Variants in DIP2C observed in about 807,000 individuals in gnomAD.
The protein encoded by DIP2C is disco-interacting protein 2 homolog C.
A neutral mutation model predicts 192.4 loss-of-function variants in DIP2C; 33 were observed. That is an observed-to-expected ratio of 0.17 (90% CI 0.13 to 0.23). DIP2C has a LOEUF of 0.23. Among genes scored for constraint, DIP2C ranks in the 10% least tolerant of loss-of-function variants. DIP2C has a pLI of 1.00. For missense variants in DIP2C, 1,537 were observed against 2,110.1 expected (o/e 0.73, Z 5.32); for synonymous variants, 979 against 864.1 (o/e 1.13, Z -2.33).
chr10:443,792 G>T (rs1324880223), intron 3 of DIP2C, among the ~76,000 whole-genome samples: 1 of 152,152 alleles, frequency 6.6e-6, no homozygotes, highest in Non-Finnish European at 1.5e-5. Flanking sequence ...TGGAGATACA[G>T]AAATGCTTTC....
chr10:537,882 C>CA (rs1847780620), intron 1 of DIP2C, among the ~76,000 whole-genome samples: 1 of 151,570 alleles, frequency 6.6e-6, no homozygotes, highest in African/African-American at 2.4e-5. Flanking sequence ...CTCCACCTCC[C>CA]AAGTTCAGGC....
rs1179062463 is a variant in DIP2C, at chr10:636,115, C to G, written c.85+53379G>C. 6.6e-6 allele frequency among the ~76,000 whole-genome samples: 1 copy of G among 152,160 alleles called. No individual in the cohort carries two copies. Reference sequence around the variant, plus strand: ...TTCCAGCATCAACCTGTGCTCATAGCTACATACAAAATAACTTTATCACAA... The same window carrying G: ...TTCCAGCATCAACCTGTGCTCATAGGTACATACAAAATAACTTTATCACAA... On this transcript the variant is annotated intron_variant, in intron 1 of 36. Transcript: ENST00000280886. This position sits in a 1 kb window ranked among gnomAD's most constrained non-coding sequence, Gnocchi z 4.6.
At chr10:517,103 G>A (rs1262129908) in intron 1 of DIP2C, among the ~76,000 whole-genome samples, 5 of 151,866 alleles carry the variant, frequency 3.3e-5, no homozygotes, top group Non-Finnish European at 7.4e-5. Flanking sequence ...ATGGAAACAC[G>A]GACTTGGCCC....
At chr10:552,138 C>T (rs1222511968) in intron 1 of DIP2C, among the ~76,000 whole-genome samples, 1 of 152,238 alleles carries the variant, frequency 6.6e-6, no homozygotes, top group Non-Finnish European at 1.5e-5. Flanking sequence ...CTGACGGAGG[C>T]TGTCGATGGC....
intron 1 of DIP2C, among the ~76,000 whole-genome samples, chr10:576,349 T>A (rs964432058): frequency 1.3e-5 from 2 of 152,196 alleles, no homozygotes; most frequent in African/African-American, 4.8e-5. Context: ...ATACGTGTGT[T>A]GAAAGGCAAT....
rs1564307266 is a variant in DIP2C, at chr10:651,448, TA to T, written c.85+38045del. ...AGTATGTTAAGTCGTTAAGTAAAAA[TA>T]GCAGAAGACTTAGTAGAATGTATGA... is the stretch of plus-strand genomic sequence containing the variant. On this transcript the variant is annotated intron_variant, in intron 1 of 36. Transcript: ENST00000280886. The surrounding 1 kb of genome is among the most constrained non-coding windows in gnomAD (Gnocchi z 4.1). 1 of 676,796 alleles carries T rather than the reference TA, an allele frequency of 1.5e-6. No individual in the cohort carries two copies. Among genetic ancestry groups the T allele is most frequent in the African/African-American group, 1.8e-5 (1 of 56,714 alleles). The allele number at this position is 676,796 out of a possible 1,614,324, so 41.9% of individuals were successfully genotyped here. A position where few individuals can be genotyped will look rare whatever the true frequency, so the allele number is the denominator to read the frequency against.
intron 1 of DIP2C, among the ~76,000 whole-genome samples, chr10:508,143 G>C (rs752578414): frequency 6.6e-6 from 1 of 152,122 alleles, no homozygotes; most frequent in Non-Finnish European, 1.5e-5. Context: ...AGAGGAGCTC[G>C]TGCAGCCAGG....
intron 7 of DIP2C, 137 bp downstream of exon 7, chr10:415,632 C>T: frequency 8.2e-7 from 1 of 1,215,048 alleles, no homozygotes; most frequent in Non-Finnish European, 1.2e-6. Context: ...CACCCGCTCC[C>T]TACCTGGGTT....
chr10:482,885 G>A (rs1588258149), intron 2 of DIP2C, among the ~76,000 whole-genome samples: 1 of 152,226 alleles, frequency 6.6e-6, no homozygotes, highest in Admixed American at 6.5e-5. Flanking sequence ...GCAGAAGGGT[G>A]AGAGCGAAGT....
At chr10:367,338 A>ACC (rs1386867372) in intron 18 of DIP2C, among the ~76,000 whole-genome samples, 89 of 150,662 alleles carry the variant, frequency 5.9e-4, no homozygotes, top group African/African-American at 2.2e-3. Flanking sequence ...AATGGCGTGA[A>ACC]CCCGGGAGGC....
intron 1 of DIP2C, among the ~76,000 whole-genome samples, chr10:568,922 T>TA (rs796887682): frequency 6.0e-4 from 92 of 152,158 alleles, no homozygotes; most frequent in African/African-American, 2.0e-3. Context: ...GCACGCTCCG[T>TA]ATTTTAGATG....
intron 3 of DIP2C, among the ~76,000 whole-genome samples, chr10:461,849 T>C (rs1479669663): frequency 6.6e-6 from 1 of 152,088 alleles, no homozygotes; most frequent in Non-Finnish European, 1.5e-5. Flanking sequence ...TACAGTGCAA[T>C]CAAATTAGAA....
chr10:582,240 C>T (rs1564228776), intron 1 of DIP2C, among the ~76,000 whole-genome samples: 3 of 152,210 alleles, frequency 2.0e-5, no homozygotes, highest in Non-Finnish European at 4.4e-5. Context: ...GCACCCACAC[C>T]AGCCCAGGTG....
intron 1 of DIP2C, chr10:650,704 T>A: frequency 1.6e-6 from 1 of 623,892 alleles, no homozygotes; most frequent in Non-Finnish European, 2.9e-6. Context: ...CCAGATGGCT[T>A]CTGGCCAGAG....
chr10:605,402 TC>T (rs750381123), intron 1 of DIP2C, among the ~76,000 whole-genome samples: 13 of 152,196 alleles, frequency 8.5e-5, no homozygotes, highest in Non-Finnish European at 1.6e-4. Flanking sequence ...CACTCATGAT[TC>T]CCTTGCCCAA....
intron 31 of DIP2C, among the ~76,000 whole-genome samples, chr10:313,835 C>T (rs1291707873): frequency 6.6e-6 from 1 of 152,218 alleles, no homozygotes; most frequent in Non-Finnish European, 1.5e-5. Flanking sequence ...TACAGACTCA[C>T]ACCCCAAATA....
At chr10:595,762 A>G (rs912103779) in intron 1 of DIP2C, among the ~76,000 whole-genome samples, 1 of 152,200 alleles carries the variant, frequency 6.6e-6, no homozygotes, top group African/African-American at 2.4e-5. Flanking sequence ...GGTTTTTTCA[A>G]TAAGGGTTTG....
At chr10:537,123 G>C (rs1438307975) in intron 1 of DIP2C, among the ~76,000 whole-genome samples, 2 of 152,182 alleles carry the variant, frequency 1.3e-5, no homozygotes, top group South Asian at 2.1e-4. Flanking sequence ...GGGGGAAGAA[G>C]TGAGGGTGGA....
At chr10:448,228 A>C (rs1229625229) in intron 3 of DIP2C, among the ~76,000 whole-genome samples, 201 of 63,018 alleles carry the variant, frequency 3.2e-3, no homozygotes, top group East Asian at 5.3e-3. Flanking sequence ...CCCGTCAATA[A>C]TCAGGATCAC....
Sources: gnomAD v4.1 joint callset for allele counts (sites outside exome capture counted in the v4.1 genomes callset) on GRCh38, gnomAD v4.1.1 for gene constraint, Gnocchi (gnomAD v3.1) non-coding constraint, MANE v1.5 for transcripts, NCBI Gene and HGNC (gene_info 2026-07-23, HGNC 2026-07-21) for gene names.